UNC13C: variants seen among roughly 807,000 people sequenced by gnomAD.
UNC13C encodes protein unc-13 homolog C.
A neutral mutation model predicts 245.4 loss-of-function variants in UNC13C; 174 were observed. That is an observed-to-expected ratio of 0.71 (90% CI 0.63 to 0.80). The LOEUF (loss-of-function observed/expected upper bound fraction) is 0.80, where lower values mean the gene tolerates loss of function less well. UNC13C is among the 30% of genes least tolerant of loss of function. UNC13C has a pLI of 0.00. For missense variants in UNC13C, 2,829 were observed against 2,602.9 expected, an observed-to-expected ratio of 1.09 and a Z score of -1.89; for synonymous variants, 992 against 895.1, an observed-to-expected ratio of 1.11 and a Z score of -1.93.
intron 4 of UNC13C, among the ~76,000 whole-genome samples, chr15:54,204,590 A>T (rs1412499708): frequency 6.6e-6 from 1 of 152,056 alleles, no homozygotes; most frequent in African/African-American, 2.4e-5. Context: ...AATCTCAACA[A>T]ATTGTTTTTA....
the UNC13C span, among the ~76,000 whole-genome samples, chr15:53,928,851 T>C: frequency 6.6e-6 from 1 of 152,224 alleles, no homozygotes; most frequent in Admixed American, 6.5e-5. Flanking sequence ...TAACCAACAA[T>C]TTCAAGAGAA....
chr15:53,925,524 G>A, the UNC13C span, among the ~76,000 whole-genome samples: 1 of 152,188 alleles, frequency 6.6e-6, no homozygotes, highest in Non-Finnish European at 1.5e-5. Flanking sequence ...TATAAAGCTT[G>A]TCTTGCAGAA....
chr15:53,862,095 A>G, the UNC13C span, among the ~76,000 whole-genome samples: 1 of 152,134 alleles, frequency 6.6e-6, no homozygotes, highest in Middle Eastern at 3.2e-3. Context: ...TGGAGGCTAG[A>G]AGTCCAAGAT....
intron 1 of UNC13C, among the ~76,000 whole-genome samples, chr15:53,985,250 A>C (rs193002141): frequency 2.6e-5 from 4 of 151,582 alleles, no homozygotes; most frequent in African/African-American, 9.7e-5. Flanking sequence ...TTCCAGCTTC[A>C]TCCATGTCCC....
intron 2 of UNC13C, among the ~76,000 whole-genome samples, chr15:54,071,404 CTAT>C (rs1252687102): frequency 6.6e-6 from 1 of 152,034 alleles, no homozygotes; most frequent in Non-Finnish European, 1.5e-5. Context: ...TTACTATTTT[CTAT>C]TATTGGTATT....
At position 54,584,899 on chromosome 15, in the gene UNC13C, ACAGGGCATTTTCCACTAAT is replaced by A. The variant is rs1898407612; in HGVS notation, c.6106+16956_6106+16974del. Reference sequence around the variant, plus strand: ...AATCCAAATTCTTCCAACTGTAAGCACAGGGCATTTTCCACTAATCAGCCCACTAACCAAAGAAACCTAA... The same window carrying A: ...AATCCAAATTCTTCCAACTGTAAGCACAGCCCACTAACCAAAGAAACCTAA... On this transcript the variant is annotated intron_variant, in intron 30 of 32. Transcript: ENST00000260323. Among the ~76,000 whole-genome samples, 3 of 152,352 alleles carry A rather than the reference ACAGGGCATTTTCCACTAAT, an allele frequency of 2.0e-5. No homozygotes were observed. In the South Asian group the frequency reaches 6.2e-4, roughly 32 times the overall value.
At position 54,450,233 on chromosome 15, in the gene UNC13C, G is replaced by T. The variant is rs1891093511; in HGVS notation, c.4933+35166G>T. On this transcript the variant is annotated intron_variant, in intron 19 of 32. Transcript: ENST00000260323. ...CTCGGGGGTCGGGGACCCACTTGAGGAGTCAGTCTGTCCGTTCTCAGATCT... is the reference window on the plus strand; with the variant it reads ...CTCGGGGGTCGGGGACCCACTTGAGTAGTCAGTCTGTCCGTTCTCAGATCT... Among the ~76,000 whole-genome samples the T allele has an allele frequency of 2.0e-5, 3 of 152,200 alleles. No individual in the cohort carries two copies. The South Asian group carries it at 6.2e-4, about 32-fold the overall frequency.
At chr15:54,414,901 G>A (rs2140950469) in intron 18 of UNC13C, 81 bp from the exon 19 acceptor site, 1 of 817,484 alleles carries the variant, frequency 1.2e-6, no homozygotes. Flanking sequence ...TAACTACTGT[G>A]GTATATATGT....
At chr15:54,005,640 C>T (rs943494376) in intron 1 of UNC13C, among the ~76,000 whole-genome samples, 2 of 152,108 alleles carry the variant, frequency 1.3e-5, no homozygotes, top group Non-Finnish European at 2.9e-5. Context: ...ATGGTTCAGA[C>T]TATATAGACT....
chr15:53,954,140 G>A, the UNC13C span, among the ~76,000 whole-genome samples: 2 of 152,106 alleles, frequency 1.3e-5, no homozygotes, highest in Admixed American at 6.5e-5. Flanking sequence ...AAACTACTAG[G>A]TGCCCAATTT....
intron 1 of UNC13C, among the ~76,000 whole-genome samples, 108 bp downstream of exon 1, chr15:53,979,035 T>G (rs1893816523): frequency 6.6e-6 from 1 of 152,156 alleles, no homozygotes; most frequent in African/African-American, 2.4e-5. Flanking sequence ...AACCATGGGG[T>G]TCTCTTAGCG....
chr15:54,186,446 G>A (rs1475359901), intron 4 of UNC13C, among the ~76,000 whole-genome samples: 1 of 151,974 alleles, frequency 6.6e-6, no homozygotes, highest in East Asian at 1.9e-4. Context: ...TATATCTTAA[G>A]CCACAAAATA....
intron 24 of UNC13C, among the ~76,000 whole-genome samples, chr15:54,514,338 T>C (rs1894876160): frequency 6.6e-6 from 1 of 152,232 alleles, no homozygotes; most frequent in South Asian, 2.1e-4. Context: ...CCCAGTTTTT[T>C]CCTTACAGTG....
At chr15:54,199,607 A>G (rs528099632) in intron 4 of UNC13C, among the ~76,000 whole-genome samples, 8 of 152,236 alleles carry the variant, frequency 5.3e-5, no homozygotes, top group African/African-American at 1.9e-4. Flanking sequence ...CACAAATGAA[A>G]GAAAGATACA....
chr15:54,180,691 A>G (rs980565819), intron 4 of UNC13C, among the ~76,000 whole-genome samples: 3 of 151,852 alleles, frequency 2.0e-5, no homozygotes, highest in African/African-American at 7.3e-5. Context: ...AGCCATTCTG[A>G]TTGGTGTGAA....
intron 14 of UNC13C, among the ~76,000 whole-genome samples, chr15:54,330,101 C>T (rs1444068108): frequency 6.6e-6 from 1 of 151,754 alleles, no homozygotes; most frequent in East Asian, 1.9e-4. Flanking sequence ...GAAATAAGCA[C>T]TCTATCTTCT....
chr15:53,925,172 A>T, the UNC13C span, among the ~76,000 whole-genome samples: 6 of 151,358 alleles, frequency 4.0e-5, no homozygotes, highest in Non-Finnish European at 8.8e-5. Context: ...TAACCAGCTG[A>T]TGTGACTGGG....
intron 1 of UNC13C, among the ~76,000 whole-genome samples, chr15:53,998,882 T>C (rs918578467): frequency 6.6e-6 from 1 of 152,094 alleles, no homozygotes; most frequent in Admixed American, 6.6e-5. Flanking sequence ...TTTTTCTCCC[T>C]TTTTTAATGT....
intron 17 of UNC13C, among the ~76,000 whole-genome samples, chr15:54,377,762 C>T (rs2039637483): frequency 6.6e-6 from 1 of 152,140 alleles, no homozygotes. Flanking sequence ...TTTGTAAGGG[C>T]ATTAATCCTC....
Sources: gnomAD v4.1 joint callset for allele counts (sites outside exome capture counted in the v4.1 genomes callset) on GRCh38, gnomAD v4.1.1 for gene constraint, MANE v1.5 for transcripts, NCBI Gene and HGNC (gene_info 2026-07-23, HGNC 2026-07-21) for gene names.